ATRNL1: variants seen among roughly 807,000 people sequenced by gnomAD.
ATRNL1 encodes attractin-like protein 1.
Under a neutral mutation model 182.7 loss-of-function variants are expected in ATRNL1, and 95 were observed. The observed-to-expected ratio is 0.52, with a 90% confidence interval of 0.44 to 0.62. The LOEUF is 0.62. ATRNL1 is among the 20% of genes least tolerant of loss of function. The pLI, the probability that ATRNL1 is intolerant of heterozygous loss-of-function variation, is 0.00. For synonymous variants in ATRNL1, 576 were observed against 568.3 expected (o/e 1.01, Z -0.19); for missense variants, 1,471 against 1,679.5 (o/e 0.88, Z 2.17).
chr10:115,668,559 T>C (rs1861133037), intron 26 of ATRNL1, among the ~76,000 whole-genome samples: 2 of 152,226 alleles, frequency 1.3e-5, no homozygotes, highest in East Asian at 3.9e-4. Flanking sequence ...CAAAATGAAA[T>C]CTTCTGATTT....
At chr10:115,842,145 T>G (rs896501222) in intron 27 of ATRNL1, among the ~76,000 whole-genome samples, 21 of 152,078 alleles carry the variant, frequency 1.4e-4, no homozygotes, top group African/African-American at 5.1e-4. Flanking sequence ...AGATTAGGAT[T>G]TGTGCATACT....
intron 19 of ATRNL1, among the ~76,000 whole-genome samples, chr10:115,372,959 A>G (rs1857474013): frequency 6.6e-6 from 1 of 152,170 alleles, no homozygotes; most frequent in African/African-American, 2.4e-5. Context: ...CACTTTGCGT[A>G]ATATGGACAT....
At chr10:115,356,237 A>G (rs1405898174) in intron 19 of ATRNL1, among the ~76,000 whole-genome samples, 1 of 152,126 alleles carries the variant, frequency 6.6e-6, no homozygotes, top group Non-Finnish European at 1.5e-5. Context: ...TCTTAAAATA[A>G]GTGTAGGAAG....
intron 1 of ATRNL1, among the ~76,000 whole-genome samples, chr10:115,111,061 A>T (rs1021454501): frequency 1.1e-4 from 16 of 152,352 alleles, no homozygotes; most frequent in African/African-American, 3.8e-4. Flanking sequence ...GAATAGGAGA[A>T]CTATTTTACA....
chr10:115,361,567 C>T (rs1554944229), intron 19 of ATRNL1, among the ~76,000 whole-genome samples: 1 of 152,020 alleles, frequency 6.6e-6, no homozygotes, highest in African/African-American at 2.4e-5. Flanking sequence ...TGCACAACCT[C>T]ACCTACATCA....
At chr10:115,732,217 C>T (rs546089553) in intron 27 of ATRNL1, among the ~76,000 whole-genome samples, 5 of 151,992 alleles carry the variant, frequency 3.3e-5, no homozygotes, top group East Asian at 1.9e-4. Context: ...AACTTTTTAC[C>T]GCTTGTTGAA....
chr10:115,702,418 G>A (rs1555051792), intron 26 of ATRNL1, among the ~76,000 whole-genome samples: 1 of 152,000 alleles, frequency 6.6e-6, no homozygotes, highest in African/African-American at 2.4e-5. Flanking sequence ...GTCCTAGTCA[G>A]AGCAATCAGG....
intron 28 of ATRNL1, among the ~76,000 whole-genome samples, chr10:115,853,649 A>G (rs1216094789): frequency 2.6e-5 from 4 of 152,374 alleles, no homozygotes; most frequent in East Asian, 1.9e-4. Context: ...GGTGGCTAGA[A>G]TAAGAAATAG....
intron 25 of ATRNL1, among the ~76,000 whole-genome samples, chr10:115,548,488 C>T (rs1228138555): frequency 6.6e-6 from 1 of 152,076 alleles, no homozygotes. Flanking sequence ...CAGTGACCAG[C>T]GAATTTGTAG....
intron 26 of ATRNL1, among the ~76,000 whole-genome samples, chr10:115,575,641 A>G (rs782763760): frequency 8.6e-5 from 13 of 151,748 alleles, no homozygotes; most frequent in Non-Finnish European, 1.8e-4. Flanking sequence ...ATTCTTTTTT[A>G]TTTTTTATTT....
intron 5 of ATRNL1, among the ~76,000 whole-genome samples, chr10:115,136,872 A>C (rs895151826): frequency 2.6e-5 from 4 of 152,158 alleles, no homozygotes; most frequent in Non-Finnish European, 5.9e-5. Flanking sequence ...GCTTCTGTAA[A>C]ATTTGTTTAA....
intron 5 of ATRNL1, among the ~76,000 whole-genome samples, chr10:115,143,243 T>C (rs1365548929): frequency 2.6e-5 from 4 of 152,218 alleles, no homozygotes; most frequent in Non-Finnish European, 5.9e-5. Flanking sequence ...GCTTGCCTTA[T>C]GTTGAACTAT....
At chr10:115,145,914 G>C (rs926446756) in intron 5 of ATRNL1, among the ~76,000 whole-genome samples, 3 of 151,982 alleles carry the variant, frequency 2.0e-5, no homozygotes, top group Non-Finnish European at 4.4e-5. Context: ...TTTTCTCCTT[G>C]AAAAACTCTC....
chr10:115,929,776 T>G (rs1176612401), intron 28 of ATRNL1, among the ~76,000 whole-genome samples: 2 of 152,164 alleles, frequency 1.3e-5, no homozygotes, highest in Non-Finnish European at 2.9e-5. Flanking sequence ...AACTTTTATC[T>G]CAAAGCTAAT....
chr10:115,125,887 C>CA (rs1844950558), intron 3 of ATRNL1, among the ~76,000 whole-genome samples: 12 of 152,186 alleles, frequency 7.9e-5, no homozygotes, highest in Admixed American at 7.9e-4. Context: ...TAAATGACCT[C>CA]AATGCCTGGG....
chr10:115,714,203 A>G (rs1947177782), intron 26 of ATRNL1, among the ~76,000 whole-genome samples: 1 of 152,190 alleles, frequency 6.6e-6, no homozygotes, highest in South Asian at 2.1e-4. Flanking sequence ...AGCATCAGTT[A>G]TAAAGATGAT....
intron 27 of ATRNL1, among the ~76,000 whole-genome samples, chr10:115,805,898 C>T (rs1372807315): frequency 6.6e-6 from 1 of 151,986 alleles, no homozygotes; most frequent in East Asian, 1.9e-4. Context: ...ATCCACTTAC[C>T]TAACACTTTA....
intron 28 of ATRNL1, among the ~76,000 whole-genome samples, chr10:115,865,809 T>C (rs1951428332): frequency 6.6e-6 from 1 of 152,184 alleles, no homozygotes; most frequent in African/African-American, 2.4e-5. Flanking sequence ...ACTCACACAT[T>C]AGCTGCTGAA....
chr10:115,713,690 TATCTATCTATCTATC>T (rs1390669488), intron 26 of ATRNL1, among the ~76,000 whole-genome samples: 9 of 113,390 alleles, frequency 7.9e-5, no homozygotes, highest in Non-Finnish European at 1.4e-4. Context: ...TCTATCTATC[TATCTATCTATCTATC>T]ATCTATCTAT....
Sources: allele counts gnomAD v4.1 joint callset (sites outside exome capture counted in the v4.1 genomes callset), GRCh38; gene constraint gnomAD v4.1.1; transcripts MANE v1.5; gene names NCBI Gene and HGNC (gene_info 2026-07-23, HGNC 2026-07-21).